The following MRPL42 variants were observed in gnomAD, a reference collection of about 807,000 sequenced individuals.
MRPL42 encodes the protein large ribosomal subunit protein mL42.
In MRPL42, 17 loss-of-function variants were observed where a neutral mutation model predicts 17.9. The ratio of observed to expected loss-of-function variants is 0.95; its 90% CI spans 0.65 to 1.42. The LOEUF is 1.42. Ranked by LOEUF, MRPL42 falls within the 40% of genes most tolerant of loss-of-function variation. The pLI, the probability that MRPL42 is intolerant of heterozygous loss-of-function variation, is 0.00. For missense variants in MRPL42, 177 were observed against 175.2 expected (o/e 1.01, Z -0.06); for synonymous variants, 59 against 54.4 (o/e 1.08, Z -0.37).
chr12:93,489,589 A>G (rs7133435), intron 5 of MRPL42, among the ~76,000 whole-genome samples: 101,842 of 151,880 alleles, frequency 0.67, 34,389 homozygotes, highest in Middle Eastern at 0.73. Flanking sequence ...GCTGGAGTGC[A>G]GTGGTGTGAT....
chr12:93,506,957 A>G lies in MRPL42; in HGVS notation c.*5736A>G, dbSNP rs934335520. ...GACATCTTAAAGATGATTTTTGGGG[A>G]CTGATTTGGAAACAGATCCAAAGAC... On this transcript the variant is annotated 3_prime_UTR_variant, in exon 6 of 6. Coordinates refer to ENST00000549982, the MANE Select transcript of MRPL42 (RefSeq NM_014050.4). 6.6e-6 allele frequency: 1 copy of G among 152,216 alleles called. No homozygotes were observed. The highest frequency in any genetic ancestry group is 2.4e-5 in the African/African-American group (1 of 41,464). The allele number at this position is 152,216 out of a possible 1,614,324, so 9.4% of individuals were successfully genotyped here.
chr12:93,476,302 TCA>T (rs1880173189), intron 2 of MRPL42, among the ~76,000 whole-genome samples: 1 of 152,146 alleles, frequency 6.6e-6, no homozygotes, highest in Admixed American at 6.5e-5. Context: ...TTCTCCTGCC[TCA>T]GTCTCCCGAG....
rs569925737 is a variant in MRPL42, at chr12:93,473,847, C to T, written c.71-3107C>T. 4.6e-5 allele frequency among the ~76,000 whole-genome samples: 7 copies of T among 152,206 alleles called. No individual in the cohort carries two copies. In the South Asian group the frequency reaches 1.0e-3, roughly 23 times the overall value. On this transcript the variant is annotated intron_variant, in intron 2 of 5. Coordinates refer to ENST00000549982, the MANE Select transcript of MRPL42 (RefSeq NM_014050.4). ...CCTCCCAAAGTTCTGGTATTACAGG[C>T]GTGAGCCACCATGCCCAGTCCTTAT...
chr12:93,515,244 C>T lies in MRPL42; in HGVS notation c.*14023C>T, dbSNP rs529137965. ...AAGCACGATGGACTCCTGGGCACAC[C>T]GTTAAGTGACTGATGGAGTCATTCA... On this transcript the variant is annotated 3_prime_UTR_variant, in exon 6 of 6. Coordinates refer to ENST00000549982, the MANE Select transcript of MRPL42 (RefSeq NM_014050.4). 4 of 152,088 alleles carry T rather than the reference C, an allele frequency of 2.6e-5. No homozygotes were observed. Among genetic ancestry groups the T allele is most frequent in the East Asian group, 1.9e-4 (1 of 5,192 alleles). 9.4% of individuals were successfully genotyped at this position (152,088 alleles called of 1,614,324 possible). A position where few individuals can be genotyped will look rare whatever the true frequency, so the allele number is the denominator to read the frequency against.
chr12:93,496,727 T>G (rs1592786479), intron 5 of MRPL42, among the ~76,000 whole-genome samples: 2 of 133,686 alleles, frequency 1.5e-5, no homozygotes, highest in Non-Finnish European at 3.1e-5. Flanking sequence ...ACAGCCAGGT[T>G]AAAAGTAATA....
chr12:93,496,847 T>C (rs1953516162), intron 5 of MRPL42, among the ~76,000 whole-genome samples: 1 of 151,950 alleles, frequency 6.6e-6, no homozygotes, highest in South Asian at 2.1e-4. Flanking sequence ...AGTTCTGCTC[T>C]TGTCCCCCAG....
chr12:93,495,223 A>C (rs1381304329), intron 5 of MRPL42, among the ~76,000 whole-genome samples: 1 of 152,176 alleles, frequency 6.6e-6, no homozygotes, highest in Non-Finnish European at 1.5e-5. Context: ...AGCTGACCTA[A>C]GAAAAAAGTC....
At chr12:93,491,559 A>G (rs972335990) in intron 5 of MRPL42, among the ~76,000 whole-genome samples, 1 of 152,210 alleles carries the variant, frequency 6.6e-6, no homozygotes, top group African/African-American at 2.4e-5. Flanking sequence ...GTATATATGT[A>G]TGTATGTATT....
intron 4 of MRPL42, among the ~76,000 whole-genome samples, chr12:93,482,344 C>A (rs921397832): frequency 2.0e-5 from 3 of 152,170 alleles, no homozygotes; most frequent in African/African-American, 7.2e-5. Flanking sequence ...CAGCATTTAT[C>A]ATTTCTAGCA....
At chr12:93,477,122 C>T in intron 3 of MRPL42, 105 bp downstream of exon 3, 2 of 833,308 alleles carry the variant, frequency 2.4e-6, no homozygotes, top group East Asian at 2.8e-5. Context: ...TCTCATTATT[C>T]TTTCCTTAAT....
chr12:93,496,062 T>C (rs1376677304), intron 5 of MRPL42, among the ~76,000 whole-genome samples: 1 of 152,180 alleles, frequency 6.6e-6, no homozygotes, highest in Non-Finnish European at 1.5e-5. Flanking sequence ...GGGTTTTTTG[T>C]TTTTGTTTTT....
intron 5 of MRPL42, among the ~76,000 whole-genome samples, chr12:93,495,383 CT>C (rs1341845895): frequency 1.3e-5 from 2 of 151,590 alleles, no homozygotes; most frequent in African/African-American, 4.8e-5. Flanking sequence ...ACTACCATAC[CT>C]GGCTGATTTT....
Position 93,515,025 on chromosome 12 carries a change from C to T in MRPL42, c.*13804C>T, listed in dbSNP as rs544662724. 3 of 152,146 alleles carry T rather than the reference C, an allele frequency of 2.0e-5. No homozygotes were observed. Among genetic ancestry groups the T allele is most frequent in the Non-Finnish European group, 4.4e-5 (3 of 68,002 alleles). 9.4% of individuals were successfully genotyped at this position (152,146 alleles called of 1,614,324 possible). A position where few individuals can be genotyped will look rare whatever the true frequency, so the allele number is the denominator to read the frequency against. On this transcript the variant is annotated 3_prime_UTR_variant, in exon 6 of 6. Coordinates refer to ENST00000549982, the MANE Select transcript of MRPL42 (RefSeq NM_014050.4). The stretch of plus-strand genomic sequence containing the variant: ...CTGATTCCTTCTGCAGATACACTCT[C>T]CACCCTTCTTGATTCCTTTTCGGGA...
In MRPL42 at chr12:93,487,548, G is replaced by A. The variant is rs1451561557; in HGVS notation, c.271G>A (p.Val91Met). ...VHNNEETHDQ[V>M]LKTRLEEKVE... ...TAATAATGAAGAAACACATGATCAA[G>A]TGCTGAAAACCAGATTGGAAGAAAA... Residue 91 changes from valine to methionine, a missense_variant, in exon 5 of 6, where the codon GTG becomes ATG. Transcript: ENST00000549982. 6.2e-7 allele frequency: 1 copy of A among 1,613,926 alleles called. No individual in the cohort carries two copies. The highest frequency in any genetic ancestry group is 8.5e-7 in the Non-Finnish European group (1 of 1,179,842).
chr12:93,499,784 A>AGT (rs1367082041), intron 5 of MRPL42, among the ~76,000 whole-genome samples: 1 of 152,242 alleles, frequency 6.6e-6, no homozygotes, highest in African/African-American at 2.4e-5. Context: ...AAATAAAATC[A>AGT]GTGTATCAGG....
In MRPL42 at chr12:93,475,407, C is replaced by T. The variant is rs115427449; in HGVS notation, c.71-1547C>T. The stretch of plus-strand genomic sequence containing the variant: ...CTGGGATTACAGGCATGAGCCACTG[C>T]GCCTGGCGAATATTTGACTTTTAAG... On this transcript the variant is annotated intron_variant, in intron 2 of 5. Transcript: ENST00000549982. Among the ~76,000 whole-genome samples the T allele has an allele frequency of 6.3e-3, 951 of 151,898 alleles. 10 individuals carry two copies. The highest frequency in any genetic ancestry group is 0.021 in the African/African-American group (872 of 41,444).
At chr12:93,469,427 T>C (rs971695712) in intron 2 of MRPL42, 72 bp downstream of exon 2, 45 of 1,061,896 alleles carry the variant, frequency 4.2e-5, no homozygotes, top group Non-Finnish European at 6.2e-5. Context: ...AAGCATTTAG[T>C]TATTGTATAT....
At chr12:93,495,251 C>G (rs979585837) in intron 5 of MRPL42, among the ~76,000 whole-genome samples, 2 of 152,096 alleles carry the variant, frequency 1.3e-5, no homozygotes, top group East Asian at 3.8e-4. Flanking sequence ...AATAATATTG[C>G]TCAAATGATG....
At chr12:93,480,321 A>G (rs1424841325) in intron 4 of MRPL42, among the ~76,000 whole-genome samples, 6 of 151,612 alleles carry the variant, frequency 4.0e-5, no homozygotes, top group East Asian at 1.9e-4. Context: ...GTGTTTCACC[A>G]TGTTGCCCAG....
Sources: allele counts gnomAD v4.1 joint callset (sites outside exome capture counted in the v4.1 genomes callset), GRCh38; gene constraint gnomAD v4.1.1; transcripts MANE v1.5; gene names NCBI Gene and HGNC (gene_info 2026-07-23, HGNC 2026-07-21).